FAR2: variants seen among roughly 807,000 people sequenced by gnomAD.
The protein encoded by FAR2 is fatty acyl-CoA reductase 2.
In FAR2, 19 loss-of-function variants were observed where a neutral mutation model predicts 56.0. The observed-to-expected ratio is 0.34, with a 90% confidence interval of 0.24 to 0.50. The LOEUF is 0.50. Ranked by LOEUF, FAR2 falls within the 20% of genes least tolerant of loss-of-function variation. FAR2 has a pLI of 0.98. For missense variants in FAR2, 508 were observed against 642.2 expected (o/e 0.79, Z 2.26); for synonymous variants, 219 against 218.8 (o/e 1.00, Z -0.01).
rs1023604046 is a variant in FAR2, at chr12:29,296,873, T to G, written c.366-148T>G. Reference sequence around the variant, plus strand: ...AAACATTCCGAGTATCACATAACTGTGTAGCCATGACCCATCCTTCTCTTC... The same window carrying G: ...AAACATTCCGAGTATCACATAACTGGGTAGCCATGACCCATCCTTCTCTTC... On this transcript the variant is annotated intron_variant, in intron 3 of 11. Transcript: ENST00000536681. 7.5e-6 allele frequency: 5 copies of G among 666,414 alleles called. No homozygotes were observed. In the Admixed American group the frequency reaches 1.3e-4, roughly 17 times the overall value. The allele number at this position is 666,414 out of a possible 1,614,324, so 41.3% of individuals were successfully genotyped here.
intron 1 of FAR2, among the ~76,000 whole-genome samples, chr12:29,268,504 A>G (rs1245592742): frequency 6.6e-6 from 1 of 152,058 alleles, no homozygotes; most frequent in Non-Finnish European, 1.5e-5. Flanking sequence ...ACTTATGTGG[A>G]CAAACCAAGC....
intron 1 of FAR2, among the ~76,000 whole-genome samples, chr12:29,150,352 G>T (rs571589443): frequency 6.6e-6 from 1 of 152,194 alleles, no homozygotes; most frequent in African/African-American, 2.4e-5. Flanking sequence ...GCCACTCGTT[G>T]AATCACGTAA....
chr12:29,160,891 G>T (rs748985291), intron 1 of FAR2, among the ~76,000 whole-genome samples: 13 of 151,894 alleles, frequency 8.6e-5, no homozygotes, highest in Non-Finnish European at 1.8e-4. Context: ...TCCAAATAAG[G>T]TCACATTCTA....
chr12:29,272,248 C>T (rs987341901), intron 2 of FAR2, among the ~76,000 whole-genome samples: 5 of 152,182 alleles, frequency 3.3e-5, no homozygotes, highest in Admixed American at 6.5e-5. Context: ...TTCCATTCTC[C>T]CCGTCTCCTT....
intron 1 of FAR2, among the ~76,000 whole-genome samples, chr12:29,221,926 C>T (rs1335949676): frequency 6.6e-6 from 1 of 152,138 alleles, no homozygotes; most frequent in Admixed American, 6.5e-5. Flanking sequence ...TGGCCCACTA[C>T]AACCTCCGCC....
chr12:29,201,240 C>A (rs918508127), intron 1 of FAR2, among the ~76,000 whole-genome samples: 2 of 152,186 alleles, frequency 1.3e-5, no homozygotes, highest in Non-Finnish European at 2.9e-5. Flanking sequence ...TGCACCTGAG[C>A]CTGCCCTCTT....
chr12:29,243,885 G>A (rs766764), intron 1 of FAR2, among the ~76,000 whole-genome samples: 7,947 of 152,154 alleles, frequency 0.052, 485 homozygotes, highest in African/African-American at 0.15. Flanking sequence ...TCAATAATAA[G>A]AACCTTTAAA....
At chr12:29,229,722 A>G (rs1401842668) in intron 1 of FAR2, among the ~76,000 whole-genome samples, 1 of 152,238 alleles carries the variant, frequency 6.6e-6, no homozygotes. Flanking sequence ...GAGAATAATC[A>G]TAATCAATTG....
chr12:29,270,718 A>C, intron 2 of FAR2, 80 bp downstream of exon 2: 12 of 1,269,090 alleles, frequency 9.5e-6, no homozygotes, highest in Non-Finnish European at 1.2e-5. Flanking sequence ...TTATAGTCTC[A>C]TATTGCAAGT....
Position 29,293,402 on chromosome 12 carries a change from A to T in FAR2, c.292A>T (p.Met98Leu). 6.2e-7 allele frequency: 1 copy of T among 1,612,796 alleles called. No individual in the cohort carries two copies. Among genetic ancestry groups the T allele is most frequent in the Non-Finnish European group, 8.5e-7 (1 of 1,179,528 alleles). Reference protein sequence around the residue: ...QNDFAISKEDMQELLSCTNII... With the variant: ...QNDFAISKEDLQELLSCTNII... ...TGACTTTGCCATCAGCAAAGAGGAC[A>T]TGCAGGAGCTTCTCTCCTGTACAAA... The change falls in exon 3 of 12, where the codon ATG (methionine) becomes TTG (leucine). Residue 98 changes from methionine (M) to leucine (L), a missense_variant. Transcript: ENST00000536681.
chr12:29,264,656 T>TAAA (rs1948481302), intron 1 of FAR2, among the ~76,000 whole-genome samples: 2 of 100,472 alleles, frequency 2.0e-5, no homozygotes, highest in Non-Finnish European at 4.1e-5. Flanking sequence ...AATAAATAAA[T>TAAA]AAAGGAGAGA....
intron 1 of FAR2, among the ~76,000 whole-genome samples, chr12:29,230,844 G>A (rs1344981227): frequency 1.3e-5 from 2 of 152,160 alleles, no homozygotes; most frequent in African/African-American, 4.8e-5. Context: ...GAGACTGTGA[G>A]GGGTAGTTCA....
intron 8 of FAR2, among the ~76,000 whole-genome samples, chr12:29,314,768 G>A (rs1410568916): frequency 6.6e-6 from 1 of 151,940 alleles, no homozygotes; most frequent in Non-Finnish European, 1.5e-5. Flanking sequence ...CTTAAAGACA[G>A]GGAATATATC....
In FAR2 at chr12:29,325,443, A is replaced by G. The variant is rs190147959; in HGVS notation, c.1257+3519A>G. Among the ~76,000 whole-genome samples, 171 of 152,354 alleles carry G rather than the reference A, an allele frequency of 1.1e-3. 1 individual carries two copies. The highest frequency in any genetic ancestry group is 8.6e-3 in the Admixed American group (131 of 15,298). On this transcript the variant is annotated intron_variant, in intron 10 of 11. Transcript: ENST00000536681. ...ACTCTCCACCCCAAATCAACAGAAT[A>G]TACATTATTTCCAGCACCACACCAC... is the stretch of plus-strand genomic sequence containing the variant.
chr12:29,239,520 T>G (rs981556543), intron 1 of FAR2, among the ~76,000 whole-genome samples: 6 of 151,372 alleles, frequency 4.0e-5, no homozygotes, highest in Non-Finnish European at 8.8e-5. Flanking sequence ...AGTTAAAAAT[T>G]TTATCCCTTG....
At chr12:29,295,133 C>T (rs1455818245) in intron 3 of FAR2, among the ~76,000 whole-genome samples, 2 of 152,012 alleles carry the variant, frequency 1.3e-5, no homozygotes, top group Admixed American at 6.6e-5. Context: ...AGTGCATTGG[C>T]GTGATCTTGG....
At chr12:29,332,815 A>G (rs1181159696) in intron 11 of FAR2, 88 bp downstream of exon 11, 2 of 1,295,258 alleles carry the variant, frequency 1.5e-6, no homozygotes, top group African/African-American at 1.5e-5. Flanking sequence ...GAGGAGAATG[A>G]ACATTTCTTG....
chr12:29,329,451 A>C (rs138691439), intron 10 of FAR2, among the ~76,000 whole-genome samples: 87 of 152,356 alleles, frequency 5.7e-4, no homozygotes, highest in African/African-American at 2.0e-3. Context: ...TATCTTAGCA[A>C]AAGTAATAGT....
intron 1 of FAR2, among the ~76,000 whole-genome samples, chr12:29,168,144 G>A (rs1949848529): frequency 6.6e-6 from 1 of 152,112 alleles, no homozygotes; most frequent in Admixed American, 6.5e-5. Flanking sequence ...AGTCTTTCCT[G>A]CACAGTTAGT....
Sources: allele counts gnomAD v4.1 joint callset (sites outside exome capture counted in the v4.1 genomes callset), GRCh38; gene constraint gnomAD v4.1.1; transcripts MANE v1.5; gene names NCBI Gene and HGNC (gene_info 2026-07-23, HGNC 2026-07-21).